The following PRDM16 variants were observed in gnomAD, a reference collection of about 807,000 sequenced individuals.
The protein encoded by PRDM16 is histone-lysine N-methyltransferase PRDM16.
A neutral mutation model predicts 110.6 loss-of-function variants in PRDM16; 23 were observed. The ratio of observed to expected loss-of-function variants is 0.21; its 90% CI spans 0.15 to 0.29. The LOEUF (loss-of-function observed/expected upper bound fraction) is 0.29, where lower values mean the gene tolerates loss of function less well. PRDM16 is among the 10% of genes least tolerant of loss of function. The pLI, the probability that PRDM16 is intolerant of heterozygous loss-of-function variation, is 1.00. For synonymous variants in PRDM16, 799 were observed against 781.8 expected (o/e 1.02, Z -0.37); for missense variants, 1,615 against 1,794.3 (o/e 0.90, Z 1.81).
At chr1:3,319,364 C>G (rs1641687401) in intron 3 of PRDM16, among the ~76,000 whole-genome samples, 1 of 152,194 alleles carries the variant, frequency 6.6e-6, no homozygotes, top group Non-Finnish European at 1.5e-5. Flanking sequence ...TTCTGACGTC[C>G]TTGGGTATTT....
intron 2 of PRDM16, chr1:3,207,089 G>A (rs1382801376): frequency 6.6e-6 from 1 of 152,280 alleles, no homozygotes; most frequent in African/African-American, 2.4e-5. Flanking sequence ...ATGGTGTCCT[G>A]GTGCGGGGAG....
intron 3 of PRDM16, among the ~76,000 whole-genome samples, chr1:3,342,936 G>A (rs12025979): frequency 4.6e-5 from 7 of 152,104 alleles, no homozygotes; most frequent in African/African-American, 1.7e-4. Flanking sequence ...GGCTATTACA[G>A]ATAAAGTTTC....
intron 2 of PRDM16, among the ~76,000 whole-genome samples, chr1:3,236,422 G>A (rs1639542375): frequency 6.6e-6 from 1 of 152,150 alleles, no homozygotes. Flanking sequence ...GGCCTGGGGG[G>A]GCGCTTGTCT....
intron 3 of PRDM16, among the ~76,000 whole-genome samples, chr1:3,315,571 T>G (rs974792267): frequency 6.6e-6 from 1 of 152,198 alleles, no homozygotes; most frequent in African/African-American, 2.4e-5. Flanking sequence ...CAAGTTGTTG[T>G]TCTTTGTTGT....
chr1:3,433,051 C>A (rs1233146088), intron 16 of PRDM16, among the ~76,000 whole-genome samples: 1 of 152,218 alleles, frequency 6.6e-6, no homozygotes, highest in Non-Finnish European at 1.5e-5. Flanking sequence ...TTGTTGACCC[C>A]CAGTTCCCAG....
intron 8 of PRDM16, among the ~76,000 whole-genome samples, chr1:3,409,825 TTG>T (rs1491561345): frequency 1.6e-4 from 8 of 50,682 alleles, no homozygotes; most frequent in African/African-American, 1.2e-3. Flanking sequence ...ATGTGTGTGG[TTG>T]TGTGTGGGTG....
At chr1:3,072,728 C>T (rs766560930) in intron 1 of PRDM16, among the ~76,000 whole-genome samples, 4 of 152,196 alleles carry the variant, frequency 2.6e-5, no homozygotes, top group African/African-American at 7.2e-5. Context: ...CTCTGAAGGC[C>T]GGTTAGGGCA....
chr1:3,196,062 G>C lies in PRDM16; in HGVS notation c.387+9588G>C, dbSNP rs146602128. 7.1e-3 allele frequency among the ~76,000 whole-genome samples: 1,089 copies of C among 152,326 alleles called. 11 individuals carry two copies. Among genetic ancestry groups the C allele is most frequent in the Middle Eastern group, 0.02 (6 of 294 alleles). Reference sequence around the variant, plus strand: ...CCAGCCCCCAGGTTTGTCCATGCAGGGGCCCAGAGGCAGGTGTGGGTCCCG... The same window carrying C: ...CCAGCCCCCAGGTTTGTCCATGCAGCGGCCCAGAGGCAGGTGTGGGTCCCG... On this transcript the variant is annotated intron_variant, in intron 2 of 16. Coordinates refer to ENST00000270722, the MANE Select transcript of PRDM16 (RefSeq NM_022114.4).
intron 3 of PRDM16, among the ~76,000 whole-genome samples, chr1:3,383,685 C>T (rs947588958): frequency 4.6e-5 from 7 of 152,136 alleles, no homozygotes; most frequent in African/African-American, 9.7e-5. Flanking sequence ...GCTAGGAACC[C>T]GGGAGAGTGC....
chr1:3,226,291 G>A (rs1314342436), intron 2 of PRDM16, among the ~76,000 whole-genome samples: 1 of 152,222 alleles, frequency 6.6e-6, no homozygotes, highest in Non-Finnish European at 1.5e-5. Context: ...GGGCACACGG[G>A]GACGTTGACA....
chr1:3,071,884 G>A lies in PRDM16; in HGVS notation c.37+2588G>A, dbSNP rs952263796. ...TGCATCTGGAGGTGTAATTTCGTTT[G>A]TGTTTCCCTGGAGACCCCACTCCAA... On this transcript the variant is annotated intron_variant, in intron 1 of 16. Transcript: ENST00000270722. Among the ~76,000 whole-genome samples the A allele has an allele frequency of 2.6e-5, 4 of 152,218 alleles. No homozygotes were observed. The East Asian group carries it at 5.8e-4, about 22-fold the overall frequency.
chr1:3,185,280 C>T (rs1021609480), intron 1 of PRDM16, among the ~76,000 whole-genome samples: 1 of 152,174 alleles, frequency 6.6e-6, no homozygotes, highest in Admixed American at 6.5e-5. Context: ...CTATCCCAGA[C>T]AGAAAAACTG....
chr1:3,078,669 C>T (rs1447685567), intron 1 of PRDM16, among the ~76,000 whole-genome samples: 1 of 152,254 alleles, frequency 6.6e-6, no homozygotes, highest in African/African-American at 2.4e-5. Context: ...TCTCTAGTAC[C>T]TGTGGCAGGC....
intron 3 of PRDM16, among the ~76,000 whole-genome samples, chr1:3,252,147 A>G (rs1208505514): frequency 6.6e-6 from 1 of 152,134 alleles, no homozygotes; most frequent in Non-Finnish European, 1.5e-5. Flanking sequence ...CTGTGACATC[A>G]TGCTGTGCCC....
At chr1:3,171,660 C>G (rs557520422) in intron 1 of PRDM16, among the ~76,000 whole-genome samples, 1 of 152,308 alleles carries the variant, frequency 6.6e-6, no homozygotes, top group Non-Finnish European at 1.5e-5. Context: ...CTGCCCTCCT[C>G]GGGCTGGCAA....
intron 3 of PRDM16, among the ~76,000 whole-genome samples, chr1:3,367,658 G>A (rs76586769): frequency 0.01 from 1,578 of 152,284 alleles, 31 homozygotes; most frequent in African/African-American, 0.036. Flanking sequence ...CTTCTTCCCC[G>A]CTGTAGACTA....
At chr1:3,410,985 A>G (rs1106270) in intron 8 of PRDM16, among the ~76,000 whole-genome samples, 74,854 of 152,036 alleles carry the variant, frequency 0.49, 21,152 homozygotes, top group African/African-American at 0.79. Flanking sequence ...CACAGCAGGA[A>G]CTGTACCAAC....
chr1:3,408,313 C>T (rs1643595365), intron 8 of PRDM16, among the ~76,000 whole-genome samples: 1 of 152,162 alleles, frequency 6.6e-6, no homozygotes, highest in Admixed American at 6.5e-5. Context: ...CACCTGTGCC[C>T]TGGGCTGTGT....
intron 6 of PRDM16, 124 bp from the exon 7 acceptor site, chr1:3,404,615 C>A: frequency 8.2e-7 from 1 of 1,215,870 alleles, no homozygotes; most frequent in South Asian, 1.4e-5. Context: ...AGCATGTGCT[C>A]TGATCCCTCG....
Sources: allele counts gnomAD v4.1 joint callset (sites outside exome capture counted in the v4.1 genomes callset), GRCh38; gene constraint gnomAD v4.1.1; transcripts MANE v1.5; gene names NCBI Gene and HGNC (gene_info 2026-07-23, HGNC 2026-07-21).